Variants in ACKR3 observed in about 807,000 individuals in gnomAD.
ACKR3 encodes atypical chemokine receptor 3.
A neutral mutation model predicts 22.4 loss-of-function variants in ACKR3; 6 were observed. The observed-to-expected ratio is 0.27, with a 90% CI of 0.15 to 0.53. The LOEUF is 0.53. Among genes scored for constraint, ACKR3 ranks in the 20% least tolerant of loss-of-function variants. The pLI, the probability that ACKR3 is intolerant of heterozygous loss-of-function variation, is 0.96. For missense variants in ACKR3, 396 were observed against 475.2 expected, an observed-to-expected ratio of 0.83 and a Z score of 1.55; for synonymous variants, 209 against 205.2, an observed-to-expected ratio of 1.02 and a Z score of -0.16.
At chr2:236,561,683 G>T in the ACKR3 span, among the ~76,000 whole-genome samples, 5 of 152,034 alleles carry the variant, frequency 3.3e-5, no homozygotes, top group African/African-American at 1.2e-4. Flanking sequence ...GTAGAGATGG[G>T]GTTTCACCAT....
chr2:236,570,503 C>CG (rs1241692142), intron 1 of ACKR3, among the ~76,000 whole-genome samples: 1 of 152,104 alleles, frequency 6.6e-6, no homozygotes, highest in African/African-American at 2.4e-5. Flanking sequence ...TCTGTAAGTC[C>CG]GGAAGCTATA....
intron 1 of ACKR3, among the ~76,000 whole-genome samples, chr2:236,573,050 A>G (rs1691340233): frequency 6.6e-6 from 1 of 152,216 alleles, no homozygotes; most frequent in South Asian, 2.1e-4. Context: ...ACAGACAGCT[A>G]CCCATTCTGC....
chr2:236,545,056 T>C, the ACKR3 span, among the ~76,000 whole-genome samples: 1 of 152,146 alleles, frequency 6.6e-6, no homozygotes, highest in South Asian at 2.1e-4. This position sits in a 1 kb window ranked among gnomAD's most constrained non-coding sequence, Gnocchi z 5.3. Context: ...CCAAGGAGCC[T>C]GATATCTTGG....
At position 236,581,749 on chromosome 2, in the gene ACKR3, G is replaced by GCTCTGCC; in HGVS notation, c.*195_*196insCTCTGCC. On this transcript the variant is annotated 3_prime_UTR_variant, in exon 2 of 2. Coordinates refer to ENST00000272928, the MANE Select transcript of ACKR3 (RefSeq NM_020311.3). This position sits in a 1 kb window ranked among gnomAD's most constrained non-coding sequence, Gnocchi z 4.4. ...TGTCATTTGGCTGTGCGTGCTGACA[G>GCTCTGCC]TTTTGCAACAGGCAGAGCTGTGTCG... is the stretch of plus-strand genomic sequence containing the variant. 1.4e-6 allele frequency: 1 copy of GCTCTGCC among 699,612 alleles called. No homozygotes were observed. The highest frequency in any genetic ancestry group is 2.3e-5 in the South Asian group (1 of 44,176). The allele number at this position is 699,612 out of a possible 1,614,324, so 43.3% of individuals were successfully genotyped here.
chr2:236,580,890 G>A lies in ACKR3; in HGVS notation c.425G>A (p.Arg142His), dbSNP rs1376323268. Residue 142 changes from arginine (R) to histidine (H), a missense_variant, in exon 2 of 2, where the codon CGC becomes CAC. Coordinates refer to ENST00000272928, the MANE Select transcript of ACKR3 (RefSeq NM_020311.3). Reference sequence around the variant, plus strand: ...TTCCTCACGTGCATGAGCGTGGACCGCTACCTCTCCATCACCTACTTCACC... The same window carrying A: ...TTCCTCACGTGCATGAGCGTGGACCACTACCTCTCCATCACCTACTTCACC... Reference protein sequence around the residue: ...IFFLTCMSVDRYLSITYFTNT... With the variant: ...IFFLTCMSVDHYLSITYFTNT... The A allele has an allele frequency of 4.3e-6, 7 of 1,614,028 alleles. No individual in the cohort carries two copies. Among genetic ancestry groups the A allele is most frequent in the Admixed American group, 1.7e-5 (1 of 60,002 alleles).
chr2:236,576,624 C>T (rs1342217653), intron 1 of ACKR3, among the ~76,000 whole-genome samples: 2 of 152,240 alleles, frequency 1.3e-5, no homozygotes, highest in Non-Finnish European at 2.9e-5. Flanking sequence ...CAATAGTGGA[C>T]GCACAACCAT....
chr2:236,567,720 T>G (rs909195671), upstream of ACKR3: 1 of 152,242 alleles, frequency 6.6e-6, no homozygotes, highest in African/African-American at 2.4e-5. Context: ...CCTCCCCGTC[T>G]GGAAGCCTCC....
At chr2:236,541,237 T>G in the ACKR3 span, among the ~76,000 whole-genome samples, 1 of 152,252 alleles carries the variant, frequency 6.6e-6, no homozygotes, top group Non-Finnish European at 1.5e-5. Flanking sequence ...TTCTTAACTT[T>G]CAGTCTTTTT....
At chr2:236,565,546 A>G (rs1458858431), upstream of ACKR3, among the ~76,000 whole-genome samples, 1 of 152,204 alleles carries the variant, frequency 6.6e-6, no homozygotes, top group Non-Finnish European at 1.5e-5. Flanking sequence ...GCTTCTTCAC[A>G]ACTAACTCTT....
In ACKR3 at chr2:236,581,570, C is replaced by A; in HGVS notation, c.*16C>A. The stretch of plus-strand genomic sequence containing the variant: ...CACCAAATGATCTGCCCTGGAGAGG[C>A]TCTGGGACGGGTTTACTTGTTTTTG... On this transcript the variant is annotated 3_prime_UTR_variant, in exon 2 of 2. Coordinates refer to ENST00000272928, the MANE Select transcript of ACKR3 (RefSeq NM_020311.3). The surrounding 1 kb of genome is among the most constrained non-coding windows in gnomAD (Gnocchi z 4.4). 1 of 1,601,944 alleles carries A rather than the reference C, an allele frequency of 6.2e-7. No homozygotes were observed. The highest frequency in any genetic ancestry group is 8.5e-7 in the Non-Finnish European group (1 of 1,171,814).
intron 1 of ACKR3, among the ~76,000 whole-genome samples, chr2:236,579,726 G>A (rs1158308397): frequency 6.6e-6 from 1 of 152,190 alleles, no homozygotes; most frequent in Non-Finnish European, 1.5e-5. Context: ...GAGACAGCTG[G>A]TTGGTTGCCC....
Position 236,574,209 on chromosome 2 carries a change from G to A in ACKR3, c.-27+4285G>A, listed in dbSNP as rs1488026504. On this transcript the variant is annotated intron_variant, in intron 1 of 1. Transcript: ENST00000272928. This position sits in a 1 kb window ranked among gnomAD's most constrained non-coding sequence, Gnocchi z 5.6. ...AGTCCGTCAACACCAGCTCGGTGAC[G>A]ATTTCAGAAAAGTCTCTCCTGGACG... is the stretch of plus-strand genomic sequence containing the variant. Among the ~76,000 whole-genome samples the A allele has an allele frequency of 2.6e-5, 4 of 152,046 alleles. No individual in the cohort carries two copies. Among genetic ancestry groups the A allele is most frequent in the East Asian group, 1.9e-4 (1 of 5,190 alleles).
the ACKR3 span, among the ~76,000 whole-genome samples, chr2:236,546,939 C>T: frequency 6.6e-6 from 1 of 152,266 alleles, no homozygotes; most frequent in Non-Finnish European, 1.5e-5. This position sits in a 1 kb window ranked among gnomAD's most constrained non-coding sequence, Gnocchi z 4.9. Context: ...GTTGTTCCCA[C>T]TGTAAATCAA....
chr2:236,580,364 T>G, intron 1 of ACKR3, 76 bp from the exon 2 acceptor site: 11 of 1,499,984 alleles, frequency 7.3e-6, no homozygotes, highest in Non-Finnish European at 9.9e-6. Flanking sequence ...AAAAGCATTT[T>G]TGCCTGAAAC....
chr2:236,573,934 C>T (rs1282026111), intron 1 of ACKR3, among the ~76,000 whole-genome samples: 4 of 152,198 alleles, frequency 2.6e-5, no homozygotes, highest in Non-Finnish European at 5.9e-5. Context: ...CTGGGTGACT[C>T]TACCCATGGC....
the ACKR3 span, among the ~76,000 whole-genome samples, chr2:236,555,205 T>G: frequency 6.6e-6 from 1 of 152,252 alleles, no homozygotes; most frequent in Middle Eastern, 3.2e-3. Flanking sequence ...TCTGCTGTGC[T>G]TTTTCTTTGC....
chr2:236,568,094 C>T (rs1194221190), upstream of ACKR3, among the ~76,000 whole-genome samples: 1 of 152,246 alleles, frequency 6.6e-6, no homozygotes, highest in Non-Finnish European at 1.5e-5. Flanking sequence ...CCTTTTCCTT[C>T]CTCTACGTTA....
At chr2:236,553,796 G>A in the ACKR3 span, among the ~76,000 whole-genome samples, 6 of 152,276 alleles carry the variant, frequency 3.9e-5, no homozygotes, top group African/African-American at 1.4e-4. Context: ...AGCGTCTGCT[G>A]CAGTAAAGGG....
the ACKR3 span, among the ~76,000 whole-genome samples, chr2:236,546,137 C>T: frequency 1.6e-4 from 24 of 152,304 alleles, no homozygotes; most frequent in African/African-American, 3.8e-4. The surrounding 1 kb of genome is among the most constrained non-coding windows in gnomAD (Gnocchi z 4.9). Flanking sequence ...TTCTTTCTAA[C>T]GATTCTTGGT....
Sources: allele counts gnomAD v4.1 joint callset (sites outside exome capture counted in the v4.1 genomes callset), GRCh38; gene constraint gnomAD v4.1.1; non-coding constraint Gnocchi (gnomAD v3.1); transcripts MANE v1.5; gene names NCBI Gene and HGNC (gene_info 2026-07-23, HGNC 2026-07-21).